The following CELF5 variants were observed in gnomAD, a reference collection of about 807,000 sequenced individuals.
CELF5 encodes CUGBP Elav-like family member 5.
A neutral mutation model predicts 54.9 loss-of-function variants in CELF5; 6 were observed. The observed-to-expected ratio is 0.11, with a 90% CI of 0.06 to 0.22. The LOEUF (loss-of-function observed/expected upper bound fraction) is 0.22, where lower values mean the gene tolerates loss of function less well. Among genes scored for constraint, CELF5 ranks in the 10% least tolerant of loss-of-function variants. The probability of loss-of-function intolerance (pLI) is 1.00; values close to 1 mark genes in which losing one functional copy is unlikely to be tolerated. For missense variants in CELF5, 401 were observed against 678.6 expected (o/e 0.59, Z 4.54); for synonymous variants, 271 against 290.9 (o/e 0.93, Z 0.70).
chr19:3,289,681 CAAAAAAAAAAAAAAAA>C (rs35144942), intron 10 of CELF5, among the ~76,000 whole-genome samples: 41 of 47,136 alleles, frequency 8.7e-4, no homozygotes, highest in South Asian at 3.3e-3. Context: ...GACTCCATCT[CAAAAAAAAAAAAAAAA>C]AAAAAAAAAA....
At chr19:3,290,400 C>G in intron 11 of CELF5, 26 bp downstream of exon 11, 1 of 1,611,080 alleles carries the variant, frequency 6.2e-7, no homozygotes, top group Non-Finnish European at 8.5e-7. Flanking sequence ...CGCCACCCCT[C>G]CCCATCCACC....
chr19:3,257,875 G>C (rs1434642609), intron 2 of CELF5, among the ~76,000 whole-genome samples: 2 of 151,110 alleles, frequency 1.3e-5, no homozygotes, highest in Non-Finnish European at 2.9e-5. Context: ...CTGGAATGCA[G>C]TGGTGCGATC....
intron 4 of CELF5, among the ~76,000 whole-genome samples, chr19:3,277,185 A>C (rs559301571): frequency 9.9e-4 from 151 of 152,256 alleles, no homozygotes; most frequent in African/African-American, 3.5e-3. Context: ...CTTCCTTTTT[A>C]AAATTGAGGG....
At position 3,293,299 on chromosome 19, in the gene CELF5, G is replaced by A. The variant is rs758517061; in HGVS notation, c.1331-20G>A. 1 of 1,613,782 alleles carries A rather than the reference G, an allele frequency of 6.2e-7. No homozygotes were observed. Among genetic ancestry groups the A allele is most frequent in the Non-Finnish European group, 8.5e-7 (1 of 1,179,796 alleles). On this transcript the variant is annotated intron_variant, in intron 11 of 12. Coordinates refer to ENST00000292672, the MANE Select transcript of CELF5 (RefSeq NM_021938.4). Reference sequence around the variant, plus strand: ...GACACCCGCAGCGCCAACCACGGAGGTCCACCCTGGTTTCTGCAGGCTTCG... The same window carrying A: ...GACACCCGCAGCGCCAACCACGGAGATCCACCCTGGTTTCTGCAGGCTTCG...
intron 10 of CELF5, among the ~76,000 whole-genome samples, chr19:3,288,915 C>T (rs138778825): frequency 6.6e-6 from 1 of 152,044 alleles, no homozygotes. Context: ...GGAAGAAGGT[C>T]ATTTTTAGGT....
At position 3,231,845 on chromosome 19, in the gene CELF5, G is replaced by C. The variant is rs113209377; in HGVS notation, c.259+6847G>C. On this transcript the variant is annotated intron_variant, in intron 1 of 12. Transcript: ENST00000292672. ...AGATGAGTGGATGGATGGATGGATG[G>C]ATGCATGAATGAATGAGTGAATGAG... Among the ~76,000 whole-genome samples, 1,058 of 151,788 alleles carry C rather than the reference G, an allele frequency of 7.0e-3. 11 individuals carry two copies. Among genetic ancestry groups the C allele is most frequent in the African/African-American group, 0.024 (1,005 of 41,360 alleles).
chr19:3,282,058 A>C lies in CELF5; in HGVS notation c.751-68A>C. ...CTCCTCACTAGTAACTGGGGTACCA[A>C]GCCTCCCCTCATAAGCCATGATCTC... On this transcript the variant is annotated intron_variant, in intron 6 of 12. Coordinates refer to ENST00000292672, the MANE Select transcript of CELF5 (RefSeq NM_021938.4). This position sits in a 1 kb window ranked among gnomAD's most constrained non-coding sequence, Gnocchi z 5.2. 6.3e-7 allele frequency: 1 copy of C among 1,575,278 alleles called. No individual in the cohort carries two copies. The highest frequency in any genetic ancestry group is 8.7e-7 in the Non-Finnish European group (1 of 1,148,206).
intron 2 of CELF5, chr19:3,270,789 C>T (rs965909926): frequency 6.6e-6 from 1 of 152,210 alleles, no homozygotes. Context: ...ACCAGGACCC[C>T]CTCTCCCCGG....
chr19:3,227,868 C>T (rs1917012284), intron 1 of CELF5, among the ~76,000 whole-genome samples: 1 of 152,110 alleles, frequency 6.6e-6, no homozygotes, highest in African/African-American at 2.4e-5. Context: ...ACAGGTTCCC[C>T]AAAGCCAAGA....
intron 2 of CELF5, among the ~76,000 whole-genome samples, chr19:3,273,528 T>C (rs1219223052): frequency 6.6e-6 from 1 of 152,078 alleles, no homozygotes; most frequent in East Asian, 1.9e-4. Flanking sequence ...CAAGTTCAGG[T>C]GCCAGGAGTG....
At chr19:3,288,872 G>A (rs990226202) in intron 10 of CELF5, among the ~76,000 whole-genome samples, 1 of 152,104 alleles carries the variant, frequency 6.6e-6, no homozygotes, top group African/African-American at 2.4e-5. Context: ...TTGCTGGCAA[G>A]CGCAGGGATT....
At chr19:3,255,994 G>T (rs2079719228) in intron 2 of CELF5, among the ~76,000 whole-genome samples, 1 of 148,080 alleles carries the variant, frequency 6.8e-6, no homozygotes, top group Non-Finnish European at 1.5e-5. Flanking sequence ...GAACCCAGGA[G>T]GCAGAGGTTG....
chr19:3,267,626 T>C lies in CELF5; in HGVS notation c.343-6246T>C, dbSNP rs190293973. ...GGAGGGGCCAGGACCTTTGGGACTT[T>C]GCTGTCTCTTTCTTTACAAGAGTCT... On this transcript the variant is annotated intron_variant, in intron 2 of 12. Coordinates refer to ENST00000292672, the MANE Select transcript of CELF5 (RefSeq NM_021938.4). 6.5e-3 allele frequency among the ~76,000 whole-genome samples: 987 copies of C among 152,334 alleles called. 16 individuals carry two copies. Among genetic ancestry groups the C allele is most frequent in the African/African-American group, 0.022 (928 of 41,582 alleles).
At chr19:3,249,908 C>T (rs2079624312) in intron 1 of CELF5, among the ~76,000 whole-genome samples, 2 of 152,180 alleles carry the variant, frequency 1.3e-5, no homozygotes, top group Non-Finnish European at 2.9e-5. Context: ...CCCCGCTGGG[C>T]AGCCCCTCTG....
chr19:3,238,595 G>A (rs1353005077), intron 1 of CELF5, among the ~76,000 whole-genome samples: 2 of 152,106 alleles, frequency 1.3e-5, no homozygotes, highest in African/African-American at 2.4e-5. Flanking sequence ...TGTGGTCTCT[G>A]CTCCATCATC....
chr19:3,261,853 C>T (rs574541748), intron 2 of CELF5, among the ~76,000 whole-genome samples: 1 of 151,724 alleles, frequency 6.6e-6, no homozygotes, highest in African/African-American at 2.4e-5. Context: ...CAGGAGGGGC[C>T]CAGAATGGAC....
At position 3,275,818 on chromosome 19, in the gene CELF5, G is replaced by A. The variant is rs2145233938; in HGVS notation, c.395-38G>A. The A allele has an allele frequency of 6.3e-7, 1 of 1,583,476 alleles. No individual in the cohort carries two copies. Among genetic ancestry groups the A allele is most frequent in the Non-Finnish European group, 8.6e-7 (1 of 1,159,056 alleles). ...AGGAATCCCGGAGGCCCTCCCGGAG[G>A]CCGGGGACTCGGCTGAGGTGGGTGT... On this transcript the variant is annotated intron_variant, in intron 3 of 12. Transcript: ENST00000292672. The surrounding 1 kb of genome is among the most constrained non-coding windows in gnomAD (Gnocchi z 6.7).
intron 1 of CELF5, among the ~76,000 whole-genome samples, chr19:3,227,505 A>G (rs184639193): frequency 6.6e-6 from 1 of 151,990 alleles, no homozygotes; most frequent in Admixed American, 6.5e-5. Flanking sequence ...CTTTCCCTGG[A>G]TGCCCGGCGG....
rs1441542403 is a variant in CELF5 at position 3,228,865 on chromosome 19, G to T, written c.259+3867G>T. On this transcript the variant is annotated intron_variant, in intron 1 of 12. Coordinates refer to ENST00000292672, the MANE Select transcript of CELF5 (RefSeq NM_021938.4). This position sits in a 1 kb window ranked among gnomAD's most constrained non-coding sequence, Gnocchi z 6.0. ...GCAGGGGGCTGGGGGTGGCTGGCAG[G>T]GTTGGCCGGCGTGTGTGTGTGTGTG... Among the ~76,000 whole-genome samples the T allele has an allele frequency of 6.7e-6, 1 of 149,642 alleles. No individual in the cohort carries two copies. The highest frequency in any genetic ancestry group is 1.5e-5 in the Non-Finnish European group (1 of 67,262).
Sources: allele counts gnomAD v4.1 joint callset (sites outside exome capture counted in the v4.1 genomes callset), GRCh38; gene constraint gnomAD v4.1.1; non-coding constraint Gnocchi (gnomAD v3.1); transcripts MANE v1.5; gene names NCBI Gene and HGNC (gene_info 2026-07-23, HGNC 2026-07-21).